The following ORAI2 variants were observed in gnomAD, a reference collection of about 807,000 sequenced individuals.
The protein encoded by ORAI2 is ORAI calcium release-activated calcium modulator 2.
In ORAI2, 10 loss-of-function variants were observed where a neutral mutation model predicts 16.2. The observed-to-expected ratio is 0.62, with a 90% CI of 0.38 to 1.04. ORAI2 has a LOEUF of 1.04. Ranked by LOEUF, ORAI2 falls within the 50% of genes least tolerant of loss-of-function variation. The probability of loss-of-function intolerance (pLI) is 0.01; values close to 1 mark genes in which losing one functional copy is unlikely to be tolerated. For missense variants in ORAI2, 238 were observed against 355.5 expected, an observed-to-expected ratio of 0.67 and a Z score of 2.66; for synonymous variants, 150 against 157.5, an observed-to-expected ratio of 0.95 and a Z score of 0.35.
chr7:102,437,546 C>T (rs1164330860), intron 2 of ORAI2, among the ~76,000 whole-genome samples: 2 of 152,070 alleles, frequency 1.3e-5, no homozygotes, highest in Non-Finnish European at 2.9e-5. Context: ...ACCCAGGAGG[C>T]GGAGGTTGCA....
At chr7:102,443,476 C>T (rs1797269267) in intron 3 of ORAI2, among the ~76,000 whole-genome samples, 1 of 151,414 alleles carries the variant, frequency 6.6e-6, no homozygotes, top group Non-Finnish European at 1.5e-5. Context: ...CAAGCCCTGC[C>T]CCTACCTCAT....
At chr7:102,434,146 G>GCAACC (rs1416661314) in intron 1 of ORAI2, among the ~76,000 whole-genome samples, 1 of 77,688 alleles carries the variant, frequency 1.3e-5, no homozygotes, top group African/African-American at 4.9e-5. Context: ...AAAAAAAAAA[G>GCAACC]CAACCCCACA....
intron 3 of ORAI2, among the ~76,000 whole-genome samples, chr7:102,442,520 C>G (rs1797233762): frequency 2.0e-5 from 3 of 152,132 alleles, no homozygotes; most frequent in Non-Finnish European, 4.4e-5. Flanking sequence ...AACCCCATCT[C>G]TACTAAAAAT....
intron 1 of ORAI2, chr7:102,434,837 G>C (rs1325435653): frequency 6.6e-6 from 1 of 152,202 alleles, no homozygotes. Context: ...CACCCCCCAG[G>C]TGGCAGCCAG....
rs1219073887 is a variant in ORAI2, at chr7:102,446,917, C to T, written c.630C>T (p.Ile210=). 6.2e-7 allele frequency: 1 copy of T among 1,613,054 alleles called. No homozygotes were observed. Among genetic ancestry groups the T allele is most frequent in the East Asian group, 2.2e-5 (1 of 44,876 alleles). Residue 210 remains isoleucine, a synonymous_variant, in exon 4 of 4, where the codon ATC becomes ATT. Coordinates refer to ENST00000495936, the MANE Select transcript of ORAI2 (RefSeq NM_001126340.3). ...TCATCATGGTGCCCGTGGGCCTCAT[C>T]TTCGTGGTCTTCACCATCCACTTCT... is the stretch of plus-strand genomic sequence containing the variant. The part of the protein sequence containing the change: ...STIIMVPVGL[I]FVVFTIHFYR...
chr7:102,434,823 C>T (rs1259771799), intron 1 of ORAI2: 1 of 152,312 alleles, frequency 6.6e-6, no homozygotes, highest in Non-Finnish European at 1.5e-5. Context: ...CTCCCTGCCC[C>T]CTCCACCCCC....
Position 102,447,374 on chromosome 7 carries a change from G to A in ORAI2, c.*322G>A. On this transcript the variant is annotated 3_prime_UTR_variant, in exon 4 of 4. Coordinates refer to ENST00000495936, the MANE Select transcript of ORAI2 (RefSeq NM_001126340.3). ...CAGGAGGGGCTCCAAGCAGCACCCA[G>A]CGGTCCGGGGGAGTCTCAGACCCGG... is the stretch of plus-strand genomic sequence containing the variant. 1 of 331,214 alleles carries A rather than the reference G, an allele frequency of 3.0e-6. No individual in the cohort carries two copies. Among genetic ancestry groups the A allele is most frequent in the East Asian group, 5.8e-5 (1 of 17,100 alleles). The allele number at this position is 331,214 out of a possible 1,614,324, so 20.5% of individuals were successfully genotyped here.
Position 102,450,870 on chromosome 7 carries a change from C to G in ORAI2, c.*3818C>G, listed in dbSNP as rs535613090. ...CCATTGCAGCCTAGAAATTCGGTTT[C>G]TGGAGGTTTAGCCTGATTTTGAAGA... is the stretch of plus-strand genomic sequence containing the variant. On this transcript the variant is annotated 3_prime_UTR_variant, in exon 4 of 4. Coordinates refer to ENST00000495936, the MANE Select transcript of ORAI2 (RefSeq NM_001126340.3). 67 of 152,282 alleles carry G rather than the reference C, an allele frequency of 4.4e-4. No homozygotes were observed. The highest frequency in any genetic ancestry group is 1.5e-3 in the African/African-American group (61 of 41,554). 9.4% of individuals were successfully genotyped at this position (152,282 alleles called of 1,614,324 possible). A position where few individuals can be genotyped will look rare whatever the true frequency, so the allele number is the denominator to read the frequency against.
chr7:102,445,686 G>T (rs1026367622), intron 3 of ORAI2, among the ~76,000 whole-genome samples: 2 of 147,542 alleles, frequency 1.4e-5, no homozygotes, highest in Non-Finnish European at 3.0e-5. Context: ...TGCAATCGGG[G>T]CTCCCAGCAG....
At chr7:102,436,511 G>A (rs1360187857) in intron 2 of ORAI2, among the ~76,000 whole-genome samples, 178 bp downstream of exon 2, 2 of 151,906 alleles carry the variant, frequency 1.3e-5, no homozygotes, top group Non-Finnish European at 2.9e-5. Context: ...TGGGGGGCTC[G>A]ACTCTGGCAT....
Position 102,450,561 on chromosome 7 carries a change from G to A in ORAI2, c.*3509G>A, listed in dbSNP as rs1389366830. 1 of 152,306 alleles carries A rather than the reference G, an allele frequency of 6.6e-6. No individual in the cohort carries two copies. Among genetic ancestry groups the A allele is most frequent in the Non-Finnish European group, 1.5e-5 (1 of 68,076 alleles). The allele number at this position is 152,306 out of a possible 1,614,324, so 9.4% of individuals were successfully genotyped here. A position where few individuals can be genotyped will look rare whatever the true frequency, so the allele number is the denominator to read the frequency against. On this transcript the variant is annotated 3_prime_UTR_variant, in exon 4 of 4. Transcript: ENST00000495936. ...TGCCCAGTGATGGTGGCACATGGGT[G>A]GGGACGGAGCCACATCCAAGTCTAG...
intron 3 of ORAI2, among the ~76,000 whole-genome samples, chr7:102,442,939 G>A (rs180678625): frequency 6.6e-6 from 1 of 150,792 alleles, no homozygotes; most frequent in Non-Finnish European, 1.5e-5. Flanking sequence ...AGAATCACTT[G>A]AACCCGGGAA....
rs142953318 is a variant in ORAI2 at position 102,442,672 on chromosome 7, G to C, written c.225+3491G>C. 3.7e-3 allele frequency among the ~76,000 whole-genome samples: 566 copies of C among 151,788 alleles called. 6 individuals are homozygous for C. Among genetic ancestry groups the C allele is most frequent in the African/African-American group, 0.013 (548 of 41,390 alleles). The stretch of plus-strand genomic sequence containing the variant: ...ACTGCACTCCAGCCTCGGTGGCAGA[G>C]CAGGACTCCGTCTCAAAAAACAAAA... On this transcript the variant is annotated intron_variant, in intron 3 of 3. Transcript: ENST00000495936.
Position 102,450,800 on chromosome 7 carries a change from G to A in ORAI2, c.*3748G>A, listed in dbSNP as rs1797499991. The A allele has an allele frequency of 6.6e-6, 1 of 152,272 alleles. No individual in the cohort carries two copies. The highest frequency in any genetic ancestry group is 2.1e-4 in the South Asian group (1 of 4,836). 9.4% of individuals were successfully genotyped at this position (152,272 alleles called of 1,614,324 possible). On this transcript the variant is annotated 3_prime_UTR_variant, in exon 4 of 4. Coordinates refer to ENST00000495936, the MANE Select transcript of ORAI2 (RefSeq NM_001126340.3). Reference sequence around the variant, plus strand: ...GGAGACGGAGGGTGAGCTGTTGTTGGAGCTGCAGAAACGCCTTGAAGGGCA... The same window carrying A: ...GGAGACGGAGGGTGAGCTGTTGTTGAAGCTGCAGAAACGCCTTGAAGGGCA...
In ORAI2 at chr7:102,453,599, C is replaced by T. The variant is rs1266275406; in HGVS notation, c.*6547C>T. The T allele has an allele frequency of 6.6e-6, 1 of 152,244 alleles. No individual in the cohort carries two copies. 9.4% of individuals were successfully genotyped at this position (152,244 alleles called of 1,614,324 possible). On this transcript the variant is annotated 3_prime_UTR_variant, in exon 4 of 4. Transcript: ENST00000495936. ...AGCCCCAGGCCAGCAAGCCCACAAG[C>T]CTCGAGAAAGACTGCACTTCCGGTG... is the stretch of plus-strand genomic sequence containing the variant.
At chr7:102,435,533 C>T (rs55995033) in intron 1 of ORAI2, among the ~76,000 whole-genome samples, 6 of 128,480 alleles carry the variant, frequency 4.7e-5, no homozygotes, top group South Asian at 2.5e-4. Context: ...ATTGCCCCCC[C>T]CTCTTTTTTT....
intron 2 of ORAI2, among the ~76,000 whole-genome samples, chr7:102,437,839 C>G (rs1402472286): frequency 6.6e-6 from 1 of 151,764 alleles, no homozygotes; most frequent in African/African-American, 2.4e-5. Context: ...TCACTTGAGG[C>G]TAGGAGTTCA....
intron 2 of ORAI2, among the ~76,000 whole-genome samples, chr7:102,438,501 G>A (rs939884904): frequency 8.5e-5 from 13 of 152,204 alleles, no homozygotes; most frequent in Admixed American, 7.2e-4. Flanking sequence ...AAGGCTGGGC[G>A]CAGTGGCGCA....
rs960191704 is a variant in ORAI2 at position 102,437,615 on chromosome 7, A to G, written c.-14+1282A>G. Among the ~76,000 whole-genome samples, 4 of 152,116 alleles carry G rather than the reference A, an allele frequency of 2.6e-5. No homozygotes were observed. In the East Asian group the frequency reaches 7.7e-4, roughly 29 times the overall value. The stretch of plus-strand genomic sequence containing the variant: ...GGGTGACAGAGCGAGACTCTGTCTC[A>G]AAAAATAAATAAATTTAGAAAATAA... On this transcript the variant is annotated intron_variant, in intron 2 of 3. Transcript: ENST00000495936.
Sources: allele counts gnomAD v4.1 joint callset (sites outside exome capture counted in the v4.1 genomes callset), GRCh38; gene constraint gnomAD v4.1.1; transcripts MANE v1.5; gene names NCBI Gene and HGNC (gene_info 2026-07-23, HGNC 2026-07-21).